Variants in PRDM16 observed in about 807,000 individuals in gnomAD.
PRDM16 encodes histone-lysine N-methyltransferase PRDM16.
Under a neutral mutation model 110.6 loss-of-function variants are expected in PRDM16, and 23 were observed. The ratio of observed to expected loss-of-function variants is 0.21; its 90% CI spans 0.15 to 0.29. The LOEUF is 0.29. Among genes scored for constraint, PRDM16 ranks in the 10% least tolerant of loss-of-function variants. PRDM16 has a pLI of 1.00. For missense variants in PRDM16, 1,615 were observed against 1,794.3 expected (o/e 0.90, Z 1.81); for synonymous variants, 799 against 781.8 (o/e 1.02, Z -0.37).
chr1:3,412,204 T>C lies in PRDM16; in HGVS notation c.2007T>C (p.Tyr669=), dbSNP rs1253592310. ...PNSVAEVPVF[Y]SQHSFFPPPD... ...GCGTGGCCGAGGTGCCTGTCTTCTA[T>C]TCCCAGCACTCATTCTTCCCGCCAC... Residue 669 remains tyrosine, a synonymous_variant, in exon 9 of 17, where the codon TAT becomes TAC. Coordinates refer to ENST00000270722, the MANE Select transcript of PRDM16 (RefSeq NM_022114.4). 2.5e-6 allele frequency: 4 copies of C among 1,602,344 alleles called. No individual in the cohort carries two copies. The highest frequency in any genetic ancestry group is 3.3e-4 in the Middle Eastern group (2 of 6,022).
chr1:3,385,985 C>T (rs1411820900), intron 4 of PRDM16, among the ~76,000 whole-genome samples: 1 of 152,216 alleles, frequency 6.6e-6, no homozygotes, highest in Non-Finnish European at 1.5e-5. Flanking sequence ...CGCGGAGTCT[C>T]CTTCCACTCC....
In PRDM16 at chr1:3,213,995, G is replaced by A. The variant is rs539981729; in HGVS notation, c.387+27521G>A. The stretch of plus-strand genomic sequence containing the variant: ...GCGCCCAGACACATGTCGGAGTCTC[G>A]TGTGGCCACTGGGTCCGCCTCGGCT... On this transcript the variant is annotated intron_variant, in intron 2 of 16. Coordinates refer to ENST00000270722, the MANE Select transcript of PRDM16 (RefSeq NM_022114.4). The surrounding 1 kb of genome is among the most constrained non-coding windows in gnomAD (Gnocchi z 5.3). Among the ~76,000 whole-genome samples, 11 of 152,102 alleles carry A rather than the reference G, an allele frequency of 7.2e-5. No individual in the cohort carries two copies. Among genetic ancestry groups the A allele is most frequent in the Non-Finnish European group, 1.0e-4 (7 of 68,016 alleles).
Position 3,069,356 on chromosome 1 carries a change from G to T in PRDM16, c.37+60G>T. ...GGGGCCCGGGCCGCCGGGCCGGGGC[G>T]CCCGGGCCAGGGGTGCGCGTCGGGG... On this transcript the variant is annotated intron_variant, in intron 1 of 16. Coordinates refer to ENST00000270722, the MANE Select transcript of PRDM16 (RefSeq NM_022114.4). The surrounding 1 kb of genome is among the most constrained non-coding windows in gnomAD (Gnocchi z 6.1). The T allele has an allele frequency of 1.1e-6, 1 of 872,644 alleles. No homozygotes were observed. 54.1% of individuals were successfully genotyped at this position (872,644 alleles called of 1,614,324 possible).
At chr1:3,389,499 C>T (rs916168396) in intron 4 of PRDM16, among the ~76,000 whole-genome samples, 38 of 152,328 alleles carry the variant, frequency 2.5e-4, no homozygotes, top group African/African-American at 7.7e-4. Context: ...CCTCCTGGCC[C>T]CAGGGGACCT....
chr1:3,295,017 AC>A (rs1316193587), intron 3 of PRDM16, among the ~76,000 whole-genome samples: 1 of 152,014 alleles, frequency 6.6e-6, no homozygotes, highest in East Asian at 1.9e-4. Flanking sequence ...GGGGTGGTTC[AC>A]CCCTGCACCC....
At chr1:3,312,192 G>A (rs946181250) in intron 3 of PRDM16, among the ~76,000 whole-genome samples, 6 of 152,196 alleles carry the variant, frequency 3.9e-5, no homozygotes, top group Non-Finnish European at 7.3e-5. Context: ...CACAGAGCTC[G>A]GCCTGGCCCA....
Position 3,412,301 on chromosome 1 carries a change from A to G in PRDM16, c.2104A>G (p.Lys702Glu). 6.2e-7 allele frequency: 1 copy of G among 1,613,774 alleles called. No homozygotes were observed. The highest frequency in any genetic ancestry group is 1.1e-5 in the South Asian group (1 of 91,090). ...CAAGGCCATCGCATCCATTGCCGAGAAGTACTTTGGCCCCGGCTTCATGGG... is the reference window on the plus strand; with the variant it reads ...CAAGGCCATCGCATCCATTGCCGAGGAGTACTTTGGCCCCGGCTTCATGGG... ...SIKAIASIAE[K>E]YFGPGFMGMQ... is the part of the protein sequence containing the mutation. The change falls in exon 9 of 17, where the codon AAG (lysine) becomes GAG (glutamate). Residue 702 changes from lysine to glutamate, a missense_variant. Around this residue, in one of 5 missense-constraint regions of PRDM16, gnomAD observed 772 missense variants for 748.3 expected, o/e 1.03. Coordinates refer to ENST00000270722, the MANE Select transcript of PRDM16 (RefSeq NM_022114.4).
intron 1 of PRDM16, among the ~76,000 whole-genome samples, chr1:3,142,863 C>T (rs1038943160): frequency 5.9e-5 from 9 of 152,166 alleles, no homozygotes; most frequent in Non-Finnish European, 7.4e-5. Flanking sequence ...TTACAGGCTG[C>T]GGAGGGTAGC....
At chr1:3,377,854 G>A (rs1643021610) in intron 3 of PRDM16, among the ~76,000 whole-genome samples, 1 of 152,196 alleles carries the variant, frequency 6.6e-6, no homozygotes, top group Non-Finnish European at 1.5e-5. Flanking sequence ...AGCCCGGGTT[G>A]GTCACTTGCA....
At chr1:3,421,538 C>T (rs1268283582) in intron 12 of PRDM16, among the ~76,000 whole-genome samples, 1 of 152,204 alleles carries the variant, frequency 6.6e-6, no homozygotes, top group African/African-American at 2.4e-5. Context: ...CCTGGGCTCA[C>T]GGCTCCCCTA....
chr1:3,233,222 C>T lies in PRDM16; in HGVS notation c.388-10865C>T, dbSNP rs569376779. On this transcript the variant is annotated intron_variant, in intron 2 of 16. Transcript: ENST00000270722. ...CCAGGGTGGGGGTGGCCGGTGGCCG[C>T]GCGGTGCCTAGCACCTCCTGTGTCG... Among the ~76,000 whole-genome samples, 44 of 152,208 alleles carry T rather than the reference C, an allele frequency of 2.9e-4. 1 individual carries two copies. Among genetic ancestry groups the T allele is most frequent in the African/African-American group, 9.6e-4 (40 of 41,538 alleles).
intron 1 of PRDM16, chr1:3,133,773 G>A (rs931274258): frequency 3.9e-5 from 6 of 152,212 alleles, no homozygotes; most frequent in Admixed American, 6.5e-5. Context: ...GAAGTGGCCC[G>A]TGCTGCCTGC....
intron 2 of PRDM16, among the ~76,000 whole-genome samples, chr1:3,238,768 G>A (rs1031416072): frequency 5.9e-5 from 9 of 152,218 alleles, no homozygotes; most frequent in African/African-American, 2.2e-4. Context: ...GGCCTGGCGT[G>A]TGTCTTCTTC....
intron 1 of PRDM16, among the ~76,000 whole-genome samples, chr1:3,156,443 T>A (rs570723713): frequency 1.3e-5 from 2 of 152,322 alleles, no homozygotes; most frequent in East Asian, 3.9e-4. Context: ...TTTAAGTCAA[T>A]GCCTATCCTT....
intron 1 of PRDM16, among the ~76,000 whole-genome samples, chr1:3,116,048 G>T (rs1030886432): frequency 6.6e-6 from 1 of 152,168 alleles, no homozygotes; most frequent in South Asian, 2.1e-4. Context: ...GGTGCTAAAC[G>T]CAGGCAGGTG....
chr1:3,290,363 A>G lies in PRDM16; in HGVS notation c.438+46226A>G, dbSNP rs911195601. Among the ~76,000 whole-genome samples, 1 of 152,110 alleles carries G rather than the reference A, an allele frequency of 6.6e-6. No individual in the cohort carries two copies. The highest frequency in any genetic ancestry group is 1.5e-5 in the Non-Finnish European group (1 of 68,014). On this transcript the variant is annotated intron_variant, in intron 3 of 16. Coordinates refer to ENST00000270722, the MANE Select transcript of PRDM16 (RefSeq NM_022114.4). The surrounding 1 kb of genome is among the most constrained non-coding windows in gnomAD (Gnocchi z 4.8). Reference sequence around the variant, plus strand: ...GGCTGGAAGAGGAGAGCCTCTCAGTATCCCCACCTTATAGATGAGGAGGCA... The same window carrying G: ...GGCTGGAAGAGGAGAGCCTCTCAGTGTCCCCACCTTATAGATGAGGAGGCA...
At chr1:3,138,433 C>T (rs1230430430) in intron 1 of PRDM16, among the ~76,000 whole-genome samples, 2 of 152,224 alleles carry the variant, frequency 1.3e-5, no homozygotes, top group African/African-American at 2.4e-5. Context: ...CATGGCTGTG[C>T]CCCCGGAGCC....
intron 4 of PRDM16, among the ~76,000 whole-genome samples, chr1:3,393,344 G>T (rs1488393377): frequency 6.6e-6 from 1 of 152,250 alleles, no homozygotes; most frequent in Non-Finnish European, 1.5e-5. Context: ...GGGGCTAAAG[G>T]CTATCAGAGA....
intron 3 of PRDM16, among the ~76,000 whole-genome samples, chr1:3,316,707 T>TAGTGGAGCCAGGAAACAGTGACAC (rs1557602837): frequency 7.1e-6 from 1 of 140,002 alleles, no homozygotes; most frequent in East Asian, 2.3e-4. Flanking sequence ...AACAGTGACA[T>TAGTGGAGCCAGGAAACAGTGACAC]AGTGGAGCCA....
Sources: gnomAD v4.1 joint callset for allele counts (sites outside exome capture counted in the v4.1 genomes callset) on GRCh38, gnomAD v4.1.1 for gene constraint, gnomAD v4.1.1 regional missense constraint, Gnocchi (gnomAD v3.1) non-coding constraint, MANE v1.5 for transcripts, NCBI Gene and HGNC (gene_info 2026-07-23, HGNC 2026-07-21) for gene names.